Variants in SLC24A2 observed in about 807,000 individuals in gnomAD.
The protein encoded by SLC24A2 is solute carrier family 24 member 2.
In SLC24A2, 36 loss-of-function variants were observed where a neutral mutation model predicts 62.0. That is an observed-to-expected ratio of 0.58 (90% CI 0.44 to 0.77). The LOEUF is 0.77. Among genes scored for constraint, SLC24A2 ranks in the 30% least tolerant of loss-of-function variants. SLC24A2 has a pLI of 0.00. For synonymous variants in SLC24A2, 358 were observed against 294.0 expected (o/e 1.22, Z -2.23); for missense variants, 846 against 817.9 (o/e 1.03, Z -0.42).
chr9:20,218,276 C>A, the SLC24A2 span, among the ~76,000 whole-genome samples: 2 of 152,206 alleles, frequency 1.3e-5, no homozygotes, highest in East Asian at 3.8e-4. Context: ...ATTTGTCTAT[C>A]CAGTCATTTG....
chr9:20,096,070 T>C, the SLC24A2 span, among the ~76,000 whole-genome samples: 1 of 136,052 alleles, frequency 7.4e-6, no homozygotes, highest in Non-Finnish European at 1.6e-5. Flanking sequence ...CATATCTGTA[T>C]CCATCCATCC....
the SLC24A2 span, among the ~76,000 whole-genome samples, chr9:20,249,344 C>T: frequency 6.6e-6 from 1 of 152,108 alleles, no homozygotes; most frequent in Admixed American, 6.6e-5. Context: ...TCCTGAGCCT[C>T]AGTTTTCTCA....
At chr9:19,841,042 T>C in the SLC24A2 span, among the ~76,000 whole-genome samples, 4 of 152,166 alleles carry the variant, frequency 2.6e-5, no homozygotes, top group Non-Finnish European at 5.9e-5. Context: ...CCATAGACTT[T>C]TCAATCACCA....
intron 8 of SLC24A2, among the ~76,000 whole-genome samples, chr9:19,541,749 C>G (rs369357142): frequency 6.7e-6 from 1 of 148,356 alleles, no homozygotes; most frequent in African/African-American, 2.5e-5. Flanking sequence ...TCGAGCTTCC[C>G]GGCTGCTTTG....
the SLC24A2 span, among the ~76,000 whole-genome samples, chr9:19,918,748 A>C: frequency 1.7e-4 from 26 of 152,160 alleles, no homozygotes; most frequent in Admixed American, 6.5e-5. Flanking sequence ...TGGTCCAAGA[A>C]AAGCCCAAAG....
At chr9:19,921,241 T>G in the SLC24A2 span, among the ~76,000 whole-genome samples, 2 of 152,046 alleles carry the variant, frequency 1.3e-5, no homozygotes, top group Non-Finnish European at 2.9e-5. Flanking sequence ...AGAACTTACA[T>G]GGCCGGGCAT....
chr9:19,706,306 T>C (rs1587187777), intron 2 of SLC24A2, among the ~76,000 whole-genome samples: 1 of 152,118 alleles, frequency 6.6e-6, no homozygotes, highest in South Asian at 2.1e-4. Context: ...CTCCATCCTT[T>C]TATATTGAGC....
the SLC24A2 span, among the ~76,000 whole-genome samples, chr9:20,075,293 A>C: frequency 0.62 from 94,500 of 152,008 alleles, 30,235 homozygotes; most frequent in East Asian, 0.95. Context: ...CTTGGGACAA[A>C]TCTCTGATAG....
intron 7 of SLC24A2, among the ~76,000 whole-genome samples, chr9:19,553,856 C>G (rs144377429): frequency 6.6e-6 from 1 of 152,336 alleles, no homozygotes; most frequent in East Asian, 1.9e-4. Context: ...TACAGGGCTG[C>G]TGGCCGGTTA....
In SLC24A2 at chr9:19,595,948, T is replaced by C. The variant is rs560785708; in HGVS notation, c.1129+1281A>G. 3.9e-5 allele frequency among the ~76,000 whole-genome samples: 6 copies of C among 152,330 alleles called. No individual in the cohort carries two copies. The South Asian group carries it at 6.2e-4, about 16-fold the overall frequency. ...GGTAGCAGGTACTTATTCCTACATG[T>C]AGGGTTCTGTCATTGGACCTCTTGC... On this transcript the variant is annotated intron_variant, in intron 5 of 10. Transcript: ENST00000341998.
At chr9:19,636,291 TTTC>T (rs1818316665) in intron 2 of SLC24A2, among the ~76,000 whole-genome samples, 1 of 38,150 alleles carries the variant, frequency 2.6e-5, no homozygotes, top group Non-Finnish European at 5.1e-5. Context: ...CTTCTCTTCT[TTTC>T]TTTTCTTTTC....
the SLC24A2 span, among the ~76,000 whole-genome samples, chr9:20,061,285 C>T: frequency 6.7e-6 from 1 of 148,166 alleles, no homozygotes; most frequent in African/African-American, 2.5e-5. Context: ...TTATGGTCAA[C>T]TGATTTTTTT....
the SLC24A2 span, among the ~76,000 whole-genome samples, chr9:19,903,778 A>G: frequency 2.0e-5 from 3 of 152,226 alleles, no homozygotes; most frequent in African/African-American, 7.2e-5. Flanking sequence ...ATGGTCCAGT[A>G]TATGGCAAAA....
intron 2 of SLC24A2, among the ~76,000 whole-genome samples, chr9:19,644,758 T>C (rs973167224): frequency 6.6e-6 from 1 of 152,180 alleles, no homozygotes; most frequent in East Asian, 1.9e-4. Flanking sequence ...ACATTTTTCA[T>C]GTTTTGCCTA....
the SLC24A2 span, among the ~76,000 whole-genome samples, chr9:20,103,947 T>C: frequency 3.3e-5 from 5 of 152,026 alleles, no homozygotes; most frequent in African/African-American, 1.2e-4. Context: ...GTTAAAAACT[T>C]TAAAAAAAAT....
At chr9:19,958,348 C>T in the SLC24A2 span, among the ~76,000 whole-genome samples, 1 of 152,238 alleles carries the variant, frequency 6.6e-6, no homozygotes, top group Non-Finnish European at 1.5e-5. Context: ...AGGAACACCA[C>T]CCAGCTGTTG....
chr9:19,671,277 AT>A (rs1819407479), intron 2 of SLC24A2, among the ~76,000 whole-genome samples: 1 of 151,758 alleles, frequency 6.6e-6, no homozygotes, highest in Non-Finnish European at 1.5e-5. Flanking sequence ...TTGGTTAGGT[AT>A]ATTCCTCAGT....
chr9:19,870,627 C>A, the SLC24A2 span, among the ~76,000 whole-genome samples: 4 of 152,106 alleles, frequency 2.6e-5, no homozygotes, highest in Non-Finnish European at 5.9e-5. Context: ...ATCCCACCAG[C>A]AGTGTATGTG....
At chr9:19,912,942 T>G in the SLC24A2 span, among the ~76,000 whole-genome samples, 4 of 152,136 alleles carry the variant, frequency 2.6e-5, no homozygotes, top group Admixed American at 2.6e-4. Flanking sequence ...AAATCATTTG[T>G]AAAAATTTAA....
Sources: gnomAD v4.1 joint callset for allele counts (sites outside exome capture counted in the v4.1 genomes callset) on GRCh38, gnomAD v4.1.1 for gene constraint, MANE v1.5 for transcripts, NCBI Gene and HGNC (gene_info 2026-07-23, HGNC 2026-07-21) for gene names.